THADA: variants seen among roughly 807,000 people sequenced by gnomAD.
The protein encoded by THADA is tRNA (32-2'-O)-methyltransferase regulator THADA.
THADA carries 213 observed loss-of-function variants against 219.8 expected under a neutral mutation model. That is an observed-to-expected ratio of 0.97 (90% CI 0.87 to 1.09). The LOEUF is 1.09. Ranked by LOEUF, THADA falls within the 50% of genes least tolerant of loss-of-function variation. THADA has a pLI of 0.00. For missense variants in THADA, 2,956 were observed against 2,311.3 expected (o/e 1.28, Z -5.72); for synonymous variants, 1,018 against 828.9 (o/e 1.23, Z -3.92).
chr2:43,430,363 C>CT lies in THADA; in HGVS notation c.3837-62dup, dbSNP rs879071372. The CT allele has an allele frequency of 4.3e-4, 392 of 918,206 alleles. 4 individuals carry two copies. In the East Asian group the frequency reaches 6.7e-3, roughly 16 times the overall value. The allele number at this position is 918,206 out of a possible 1,614,324, so 56.9% of individuals were successfully genotyped here. The stretch of plus-strand genomic sequence containing the variant: ...ATTCCCTTTGATCTGACAATAAAGC[C>CT]TTTTTTTTAAAAAAAGGAAGATAAG... On this transcript the variant is annotated intron_variant, in intron 26 of 37. Transcript: ENST00000405975.
At chr2:43,481,632 T>C (rs1686239097) in intron 26 of THADA, among the ~76,000 whole-genome samples, 1 of 152,244 alleles carries the variant, frequency 6.6e-6, no homozygotes, top group Non-Finnish European at 1.5e-5. Context: ...CTCCTATTTG[T>C]ATCTGACTCA....
chr2:43,499,830 T>C (rs1269510895), intron 24 of THADA, among the ~76,000 whole-genome samples: 1 of 152,182 alleles, frequency 6.6e-6, no homozygotes, highest in Non-Finnish European at 1.5e-5. Context: ...CAAATGCTTC[T>C]ATTTTTTTAA....
chr2:43,316,445 G>C (rs1466378608), intron 31 of THADA, among the ~76,000 whole-genome samples: 3 of 152,198 alleles, frequency 2.0e-5, no homozygotes, highest in Non-Finnish European at 4.4e-5. Flanking sequence ...AGGGACAGGG[G>C]CAACCCTAAT....
At chr2:43,560,419 G>T in intron 15 of THADA, 34 bp from the exon 16 acceptor site, 1 of 1,435,814 alleles carries the variant, frequency 7.0e-7, no homozygotes, top group South Asian at 1.6e-5. Flanking sequence ...AGATTTAAAA[G>T]TGAACAAAAA....
intron 36 of THADA, among the ~76,000 whole-genome samples, chr2:43,253,143 T>A (rs1317243386): frequency 1.3e-5 from 2 of 152,138 alleles, no homozygotes; most frequent in Admixed American, 6.5e-5. Flanking sequence ...GTCTAGAAGA[T>A]GTGGTTTTAG....
At chr2:43,429,656 G>C (rs553838772) in intron 27 of THADA, among the ~76,000 whole-genome samples, 11 of 151,710 alleles carry the variant, frequency 7.3e-5, no homozygotes, top group Non-Finnish European at 1.5e-4. Flanking sequence ...TTAAAAATAG[G>C]AAGAAAATAA....
intron 28 of THADA, among the ~76,000 whole-genome samples, chr2:43,416,390 G>A (rs1024161473): frequency 6.6e-6 from 1 of 152,094 alleles, no homozygotes; most frequent in Admixed American, 6.5e-5. Flanking sequence ...AACCAAAAGG[G>A]AGCAGGCTTA....
chr2:43,595,026 T>C (rs1418812373), intron 1 of THADA, among the ~76,000 whole-genome samples: 1 of 152,260 alleles, frequency 6.6e-6, no homozygotes, highest in African/African-American at 2.4e-5. Context: ...CTTTAATCTA[T>C]TTTGTTCATG....
chr2:43,509,290 T>C (rs1690086393), intron 22 of THADA, among the ~76,000 whole-genome samples: 1 of 152,208 alleles, frequency 6.6e-6, no homozygotes, highest in African/African-American at 2.4e-5. Flanking sequence ...AAGCAATTTA[T>C]CTGGGAAGAG....
At chr2:43,551,351 T>C (rs948687347) in intron 19 of THADA, among the ~76,000 whole-genome samples, 3 of 152,208 alleles carry the variant, frequency 2.0e-5, no homozygotes, top group South Asian at 2.1e-4. Flanking sequence ...ATTTATTTTT[T>C]TGAATATTGG....
intron 29 of THADA, among the ~76,000 whole-genome samples, chr2:43,384,688 G>A (rs190842256): frequency 1.3e-4 from 20 of 152,296 alleles, no homozygotes; most frequent in Admixed American, 3.9e-4. Flanking sequence ...ATTTGGGGCT[G>A]GATGCAGTGG....
At chr2:43,538,971 T>C (rs10188861) in intron 21 of THADA, among the ~76,000 whole-genome samples, 63,951 of 152,088 alleles carry the variant, frequency 0.42, 14,874 homozygotes, top group African/African-American at 0.6. Flanking sequence ...TCAGGATGAT[T>C]TTAAACGGAC....
intron 32 of THADA, 96 bp downstream of exon 32, chr2:43,292,738 C>T (rs1474232843): frequency 6.7e-7 from 1 of 1,494,180 alleles, no homozygotes; most frequent in Non-Finnish European, 9.0e-7. Flanking sequence ...CCTGGAGAGC[C>T]TAAACCCAAT....
chr2:43,344,759 G>GTTTTT (rs1242915350), intron 29 of THADA, among the ~76,000 whole-genome samples: 1 of 149,322 alleles, frequency 6.7e-6, no homozygotes. Context: ...ACTATTTAGG[G>GTTTTT]TTTTTTTTGT....
At chr2:43,450,032 G>C (rs1468903482) in intron 26 of THADA, among the ~76,000 whole-genome samples, 1 of 152,054 alleles carries the variant, frequency 6.6e-6, no homozygotes, top group Non-Finnish European at 1.5e-5. Context: ...TATAAAAAGA[G>C]TCCTGAAAGC....
At chr2:43,354,368 C>T (rs1668642449) in intron 29 of THADA, among the ~76,000 whole-genome samples, 2 of 151,952 alleles carry the variant, frequency 1.3e-5, no homozygotes, top group African/African-American at 4.8e-5. Flanking sequence ...CTGTTATGAA[C>T]ATTCCAATTA....
At chr2:43,392,407 C>T (rs1448175732) in intron 29 of THADA, among the ~76,000 whole-genome samples, 2 of 152,104 alleles carry the variant, frequency 1.3e-5, no homozygotes, top group Non-Finnish European at 2.9e-5. Context: ...TTACCTCTAT[C>T]ACTGATTTTC....
At chr2:43,579,394 T>C (rs1472912585) in intron 8 of THADA, among the ~76,000 whole-genome samples, 3 of 152,216 alleles carry the variant, frequency 2.0e-5, no homozygotes, top group Non-Finnish European at 4.4e-5. Flanking sequence ...ACTGTACCCA[T>C]AGCAACCAAA....
chr2:43,232,646 G>C (rs1667571917), intron 37 of THADA, 67 bp downstream of exon 37: 1 of 1,525,494 alleles, frequency 6.6e-7, no homozygotes, highest in Non-Finnish European at 9.0e-7. Flanking sequence ...GAGGCTGTAG[G>C]TGCTGCATCT....
Sources: allele counts gnomAD v4.1 joint callset (sites outside exome capture counted in the v4.1 genomes callset), GRCh38; gene constraint gnomAD v4.1.1; transcripts MANE v1.5; gene names NCBI Gene and HGNC (gene_info 2026-07-23, HGNC 2026-07-21).